The following PLXDC2 variants were observed in gnomAD, a reference collection of about 807,000 sequenced individuals.
The protein encoded by PLXDC2 is plexin domain containing 2, also known as plexin domain-containing protein 2.
PLXDC2 carries 40 observed loss-of-function variants against 68.9 expected under a neutral mutation model. The observed-to-expected ratio is 0.58, with a 90% confidence interval of 0.45 to 0.76. The LOEUF (loss-of-function observed/expected upper bound fraction) is 0.76. Among genes scored for constraint, PLXDC2 ranks in the 30% least tolerant of loss-of-function variants. The probability of loss-of-function intolerance (pLI) is 0.00; values close to 1 mark genes in which losing one functional copy is unlikely to be tolerated. For missense variants in PLXDC2, 644 were observed against 661.9 expected, an observed-to-expected ratio of 0.97 and a Z score of 0.30; for synonymous variants, 243 against 234.2, an observed-to-expected ratio of 1.04 and a Z score of -0.34.
intron 2 of PLXDC2, among the ~76,000 whole-genome samples, chr10:20,031,495 T>G (rs74556431): frequency 0.018 from 2,686 of 152,250 alleles, 77 homozygotes; most frequent in African/African-American, 0.061. Flanking sequence ...AAATATCCAT[T>G]CTCTATTACA....
intron 9 of PLXDC2, among the ~76,000 whole-genome samples, chr10:20,187,031 G>A (rs1834695039): frequency 6.6e-6 from 1 of 151,722 alleles, no homozygotes. Context: ...AGGTTGAGGA[G>A]CATTCAAAAG....
At chr10:20,074,614 TC>T (rs1554764764) in intron 4 of PLXDC2, among the ~76,000 whole-genome samples, 1 of 152,214 alleles carries the variant, frequency 6.6e-6, no homozygotes, top group Non-Finnish European at 1.5e-5. Context: ...ATCTCCCTGC[TC>T]CTTTTTTGTT....
chr10:19,819,029 T>TACACACACACACAC (rs1491240181), intron 1 of PLXDC2, among the ~76,000 whole-genome samples: 1 of 83,424 alleles, frequency 1.2e-5, no homozygotes, highest in African/African-American at 6.5e-5. Flanking sequence ...AGAATATATG[T>TACACACACACACAC]ATACACACAC....
chr10:19,821,410 GA>G, intron 1 of PLXDC2, among the ~76,000 whole-genome samples: 1 of 152,324 alleles, frequency 6.6e-6, no homozygotes, highest in South Asian at 2.1e-4. Context: ...TGTTGTCTTA[GA>G]ATTCTCAGTG....
chr10:20,160,514 T>A (rs951020525), intron 6 of PLXDC2, among the ~76,000 whole-genome samples: 1 of 152,316 alleles, frequency 6.6e-6, no homozygotes, highest in South Asian at 2.1e-4. Context: ...GAAAAAAATT[T>A]AATTTGATAA....
At chr10:19,875,922 T>C (rs1837621061) in intron 1 of PLXDC2, among the ~76,000 whole-genome samples, 1 of 152,194 alleles carries the variant, frequency 6.6e-6, no homozygotes, top group African/African-American at 2.4e-5. Flanking sequence ...TTTTGATGTG[T>C]GCAAAAGCAG....
rs571657844 is a variant in PLXDC2 at position 20,014,640 on chromosome 10, C to T, written c.324+12654C>T. ...TGAGAGTCAAAATGTTATTTTGCTC[C>T]CTTGAATAAGTTTGCTATGGTTTGA... On this transcript the variant is annotated intron_variant, in intron 2 of 13. Transcript: ENST00000377252. 3.8e-3 allele frequency among the ~76,000 whole-genome samples: 576 copies of T among 151,984 alleles called. 6 individuals carry two copies. Among genetic ancestry groups the T allele is most frequent in the Non-Finnish European group, 5.6e-3 (379 of 67,990 alleles).
chr10:19,981,750 A>C (rs1034574940), intron 1 of PLXDC2, among the ~76,000 whole-genome samples: 2 of 152,218 alleles, frequency 1.3e-5, no homozygotes, highest in Non-Finnish European at 2.9e-5. Context: ...CTTATCGATC[A>C]ATATAAACAC....
intron 4 of PLXDC2, among the ~76,000 whole-genome samples, chr10:20,095,328 A>G (rs1374039577): frequency 6.6e-6 from 1 of 152,140 alleles, no homozygotes; most frequent in Non-Finnish European, 1.5e-5. Flanking sequence ...GCAATTTCCT[A>G]GGTGCAATAA....
At chr10:19,843,084 G>A (rs555006709) in intron 1 of PLXDC2, among the ~76,000 whole-genome samples, 277 of 151,106 alleles carry the variant, frequency 1.8e-3, no homozygotes, top group Non-Finnish European at 3.1e-3. Flanking sequence ...AAAATTTACC[G>A]GACCCCTAAT....
intron 1 of PLXDC2, among the ~76,000 whole-genome samples, chr10:19,852,094 G>A (rs1040839647): frequency 6.6e-6 from 1 of 152,100 alleles, no homozygotes; most frequent in Non-Finnish European, 1.5e-5. Flanking sequence ...CCTACTGAAC[G>A]AGGATCTGCA....
intron 13 of PLXDC2, among the ~76,000 whole-genome samples, chr10:20,254,315 G>A (rs983848355): frequency 1.3e-5 from 2 of 152,136 alleles, no homozygotes; most frequent in Admixed American, 6.5e-5. Context: ...AAAGACTGCT[G>A]GGAAGAAAAA....
At chr10:20,069,263 A>G (rs1445845978) in intron 4 of PLXDC2, among the ~76,000 whole-genome samples, 1 of 152,128 alleles carries the variant, frequency 6.6e-6, no homozygotes, top group East Asian at 1.9e-4. Flanking sequence ...TTGAGCACCA[A>G]CTCTGAGTGA....
At chr10:20,171,818 A>G (rs1303092790) in intron 7 of PLXDC2, among the ~76,000 whole-genome samples, 2 of 152,132 alleles carry the variant, frequency 1.3e-5, no homozygotes, top group African/African-American at 4.8e-5. Flanking sequence ...AACAATTTAG[A>G]ACTGTGTCTA....
chr10:20,146,777 A>G (rs1240452392), intron 5 of PLXDC2, among the ~76,000 whole-genome samples: 7 of 152,198 alleles, frequency 4.6e-5, no homozygotes, highest in Non-Finnish European at 1.0e-4. Flanking sequence ...AAAATTGTCA[A>G]CCAGCTCAAG....
At chr10:20,212,628 A>C (rs1320680685) in intron 10 of PLXDC2, among the ~76,000 whole-genome samples, 1 of 152,150 alleles carries the variant, frequency 6.6e-6, no homozygotes, top group African/African-American at 2.4e-5. Context: ...TTTAAAAACT[A>C]TTTGTTCAAT....
chr10:19,910,801 G>A (rs747314287), intron 1 of PLXDC2, among the ~76,000 whole-genome samples: 10 of 151,722 alleles, frequency 6.6e-5, no homozygotes, highest in Non-Finnish European at 1.2e-4. Context: ...ATGAGGTCAG[G>A]CATCCGGGAC....
At chr10:19,966,311 TTTTA>T (rs1834250245) in intron 1 of PLXDC2, among the ~76,000 whole-genome samples, 1 of 16,786 alleles carries the variant, frequency 6.0e-5, no homozygotes, top group South Asian at 1.7e-3. Context: ...GTATCAGCCA[TTTTA>T]TTTTATATAT....
At chr10:19,884,015 C>T (rs1837792176) in intron 1 of PLXDC2, among the ~76,000 whole-genome samples, 1 of 148,748 alleles carries the variant, frequency 6.7e-6, no homozygotes, top group Non-Finnish European at 1.5e-5. Flanking sequence ...CTCTCAGCCT[C>T]CATGTAGCCA....
Sources: allele counts gnomAD v4.1 joint callset (sites outside exome capture counted in the v4.1 genomes callset), GRCh38; gene constraint gnomAD v4.1.1; transcripts MANE v1.5; gene names NCBI Gene and HGNC (gene_info 2026-07-23, HGNC 2026-07-21).